Variants in CDH8 observed in about 807,000 individuals in gnomAD.
CDH8 encodes the protein cadherin 8, also known as cadherin-8.
CDH8 carries 17 observed loss-of-function variants against 68.1 expected under a neutral mutation model. The observed-to-expected ratio is 0.25, with a 90% CI of 0.17 to 0.37. The LOEUF is 0.37. Ranked by LOEUF, CDH8 falls within the 10% of genes least tolerant of loss-of-function variation. The pLI is 1.00. For missense variants in CDH8, 763 were observed against 999.3 expected (o/e 0.76, Z 3.19); for synonymous variants, 372 against 365.1 (o/e 1.02, Z -0.21).
At chr16:61,832,415 G>GATAA (rs980985290) in intron 4 of CDH8, among the ~76,000 whole-genome samples, 1 of 151,654 alleles carries the variant, frequency 6.6e-6, no homozygotes, top group African/African-American at 2.4e-5. Context: ...TAGAGAGACA[G>GATAA]ATAAATAGAC....
chr16:61,671,168 T>A (rs1435550859), intron 10 of CDH8, among the ~76,000 whole-genome samples: 1 of 152,104 alleles, frequency 6.6e-6, no homozygotes, highest in Non-Finnish European at 1.5e-5. Context: ...TAATGCATAT[T>A]CTTGGATTTT....
intron 3 of CDH8, among the ~76,000 whole-genome samples, chr16:61,889,075 T>C (rs1490013787): frequency 6.6e-6 from 1 of 152,156 alleles, no homozygotes; most frequent in Admixed American, 6.5e-5. Context: ...CTGATTCCCT[T>C]AGGATGGGGA....
At chr16:61,688,329 C>A (rs1292252931) in intron 10 of CDH8, among the ~76,000 whole-genome samples, 1 of 151,976 alleles carries the variant, frequency 6.6e-6, no homozygotes, top group African/African-American at 2.4e-5. Flanking sequence ...ATGAAGGACA[C>A]CGGCTTTCTT....
rs1491267209 is a variant in CDH8, at chr16:61,960,377, ATGTG to A, written c.253-58908_253-58905del. On this transcript the variant is annotated intron_variant, in intron 2 of 11. Coordinates refer to ENST00000577390, the MANE Select transcript of CDH8 (RefSeq NM_001796.5). ...TGTGTGTATACACATACATATATAC[ATGTG>A]TGTGTGTATACACATACATATATAC... Among the ~76,000 whole-genome samples, 2 of 62,676 alleles carry A rather than the reference ATGTG, an allele frequency of 3.2e-5. 1 individual carries two copies. Among genetic ancestry groups the A allele is most frequent in the Non-Finnish European group, 5.8e-5 (2 of 34,214 alleles). 41.1% of individuals were successfully genotyped at this position (62,676 alleles called of 152,430 possible). A position where few individuals can be genotyped will look rare whatever the true frequency, so the allele number is the denominator to read the frequency against.
At chr16:61,696,799 T>G (rs1964335304) in intron 10 of CDH8, among the ~76,000 whole-genome samples, 1 of 152,142 alleles carries the variant, frequency 6.6e-6, no homozygotes, top group Non-Finnish European at 1.5e-5. Context: ...GAAACGTGGA[T>G]GCAGCTGGAG....
chr16:61,904,594 C>A (rs1319803151), intron 2 of CDH8, among the ~76,000 whole-genome samples: 2 of 152,076 alleles, frequency 1.3e-5, no homozygotes, highest in Non-Finnish European at 2.9e-5. Flanking sequence ...AAAGAAAGGT[C>A]AAGGAGAAAA....
intron 8 of CDH8, among the ~76,000 whole-genome samples, chr16:61,732,233 A>T (rs559652353): frequency 6.6e-5 from 10 of 151,852 alleles, no homozygotes; most frequent in Admixed American, 1.3e-4. Context: ...ATTTATTGAG[A>T]AACACTAGCC....
At position 62,005,128 on chromosome 16, in the gene CDH8, GACA is replaced by G. The variant is rs561675917; in HGVS notation, c.252+16021_252+16023del. Among the ~76,000 whole-genome samples, 442 of 152,222 alleles carry G rather than the reference GACA, an allele frequency of 2.9e-3. 5 individuals carry two copies. Among genetic ancestry groups the G allele is most frequent in the African/African-American group, 9.1e-3 (379 of 41,518 alleles). On this transcript the variant is annotated intron_variant, in intron 2 of 11. Transcript: ENST00000577390. ...GCATGCTGATTTTCTTTGTAAATGT[GACA>G]ACACTTCCCTACCAGGTCACAGTAC... is the stretch of plus-strand genomic sequence containing the variant.
intron 10 of CDH8, among the ~76,000 whole-genome samples, chr16:61,693,927 C>T (rs1263845110): frequency 6.6e-6 from 1 of 152,114 alleles, no homozygotes; most frequent in Non-Finnish European, 1.5e-5. Flanking sequence ...TACATGATAG[C>T]TATATTATGC....
chr16:61,984,059 A>C (rs934419673), intron 2 of CDH8, among the ~76,000 whole-genome samples: 1 of 152,060 alleles, frequency 6.6e-6, no homozygotes, highest in East Asian at 1.9e-4. Context: ...CTGGGACTGC[A>C]GGCGTGAGCC....
chr16:61,741,168 C>A (rs1959862716), intron 8 of CDH8, among the ~76,000 whole-genome samples: 1 of 152,056 alleles, frequency 6.6e-6, no homozygotes, highest in African/African-American at 2.4e-5. Flanking sequence ...AGGGCCTTTT[C>A]TTATGTTTAC....
chr16:61,926,406 T>C (rs1222275341), intron 2 of CDH8, among the ~76,000 whole-genome samples: 1 of 152,202 alleles, frequency 6.6e-6, no homozygotes, highest in Non-Finnish European at 1.5e-5. Context: ...TTCTGATTTA[T>C]TTGTAGACAG....
intron 8 of CDH8, among the ~76,000 whole-genome samples, chr16:61,729,911 G>C (rs754015834): frequency 6.6e-6 from 1 of 151,326 alleles, no homozygotes; most frequent in South Asian, 2.1e-4. Flanking sequence ...CAGATACACT[G>C]ACAATGGTTG....
At chr16:61,748,679 G>A (rs1257223014) in intron 8 of CDH8, among the ~76,000 whole-genome samples, 1 of 151,968 alleles carries the variant, frequency 6.6e-6, no homozygotes, top group Non-Finnish European at 1.5e-5. Context: ...TACATACAGA[G>A]ATGCAATACC....
At chr16:61,807,207 T>A (rs1961807114) in intron 7 of CDH8, among the ~76,000 whole-genome samples, 1 of 150,484 alleles carries the variant, frequency 6.6e-6, no homozygotes, top group Non-Finnish European at 1.5e-5. Flanking sequence ...TCATTCTCAG[T>A]AAACTATCAC....
chr16:61,770,092 G>A (rs1960739062), intron 8 of CDH8, among the ~76,000 whole-genome samples: 1 of 151,780 alleles, frequency 6.6e-6, no homozygotes, highest in Non-Finnish European at 1.5e-5. Flanking sequence ...TTTTCCTTGT[G>A]TCCCGGCTTT....
intron 3 of CDH8, among the ~76,000 whole-genome samples, chr16:61,872,069 A>G (rs2143057985): frequency 6.6e-6 from 1 of 152,282 alleles, no homozygotes; most frequent in Non-Finnish European, 1.5e-5. Flanking sequence ...ATGGAAACCA[A>G]CTTGGAATCT....
At chr16:61,958,437 C>G (rs1253483372) in intron 2 of CDH8, among the ~76,000 whole-genome samples, 2 of 152,156 alleles carry the variant, frequency 1.3e-5, no homozygotes, top group Non-Finnish European at 2.9e-5. Flanking sequence ...TCATCCATAA[C>G]AGCAACATAA....
At chr16:61,784,856 A>G (rs964055501) in intron 8 of CDH8, among the ~76,000 whole-genome samples, 9 of 152,176 alleles carry the variant, frequency 5.9e-5, no homozygotes, top group Admixed American at 1.3e-4. Flanking sequence ...ATAATGAAAT[A>G]AAGGCAGAAA....
Sources: gnomAD v4.1 joint callset for allele counts (sites outside exome capture counted in the v4.1 genomes callset) on GRCh38, gnomAD v4.1.1 for gene constraint, MANE v1.5 for transcripts, NCBI Gene and HGNC (gene_info 2026-07-23, HGNC 2026-07-21) for gene names.